Variants in ATXN10 observed in about 807,000 individuals in gnomAD.
ATXN10 encodes ataxin 10.
In ATXN10, 28 loss-of-function variants were observed where a neutral mutation model predicts 52.9. That is an observed-to-expected ratio of 0.53 (90% CI 0.39 to 0.73). The LOEUF (loss-of-function observed/expected upper bound fraction) is 0.73. ATXN10 is among the 30% of genes least tolerant of loss of function. ATXN10 has a pLI of 0.00. For synonymous variants in ATXN10, 226 were observed against 221.5 expected, an observed-to-expected ratio of 1.02 and a Z score of -0.18; for missense variants, 565 against 577.0, an observed-to-expected ratio of 0.98 and a Z score of 0.21.
At chr22:45,697,142 T>A (rs79911297) in intron 3 of ATXN10, among the ~76,000 whole-genome samples, 23 of 148,326 alleles carry the variant, frequency 1.6e-4, no homozygotes, top group South Asian at 1.5e-3. Context: ...AAAAAAAAAA[T>A]TTTTTTTTTT....
rs1347993031 is a variant in ATXN10, at chr22:45,805,418, ATCATGATAACCTAGAGGTGGAAAT to A, written c.1174-1540_1174-1517del. 1.3e-5 allele frequency among the ~76,000 whole-genome samples: 2 copies of A among 152,218 alleles called. No individual in the cohort carries two copies. The highest frequency in any genetic ancestry group is 2.4e-5 in the African/African-American group (1 of 41,464). ...GTACATGCACATTCAGAGCAGCATT[ATCATGATAACCTAGAGGTGGAAAT>A]AACACAAATGTCCATTAGTGGGTGA... On this transcript the variant is annotated intron_variant, in intron 9 of 11. Transcript: ENST00000252934. The surrounding 1 kb of genome is among the most constrained non-coding windows in gnomAD (Gnocchi z 4.4).
At position 45,826,897 on chromosome 22, in the gene ATXN10, T is replaced by A. The variant is rs1245369063; in HGVS notation, c.1238-16094T>A. ...CATGAGCAATATACAAGCTAGTTTA[T>A]AACTTCACATTTTGTTTTCTACATA... On this transcript the variant is annotated intron_variant, in intron 10 of 11. Coordinates refer to ENST00000252934, the MANE Select transcript of ATXN10 (RefSeq NM_013236.4). This position sits in a 1 kb window ranked among gnomAD's most constrained non-coding sequence, Gnocchi z 5.0. Among the ~76,000 whole-genome samples the A allele has an allele frequency of 2.6e-5, 4 of 152,242 alleles. No individual in the cohort carries two copies. The highest frequency in any genetic ancestry group is 2.0e-4 in the Admixed American group (3 of 15,284).
chr22:45,743,362 G>C (rs555472250), intron 9 of ATXN10, among the ~76,000 whole-genome samples: 2 of 152,332 alleles, frequency 1.3e-5, no homozygotes, highest in South Asian at 4.1e-4. Flanking sequence ...GGATGTGCTA[G>C]AGTGTTCTTT....
intron 6 of ATXN10, among the ~76,000 whole-genome samples, chr22:45,722,945 T>C (rs1052643084): frequency 6.6e-6 from 1 of 152,142 alleles, no homozygotes; most frequent in Non-Finnish European, 1.5e-5. Context: ...TATTTTCTTC[T>C]ATTTCATTAC....
At chr22:45,702,975 A>G (rs1461017337) in intron 5 of ATXN10, 128 bp downstream of exon 5, 4 of 1,164,810 alleles carry the variant, frequency 3.4e-6, no homozygotes, top group Admixed American at 3.7e-5. Flanking sequence ...ACATGTGTTG[A>G]CAGAATTAGA....
chr22:45,719,078 TG>T (rs1924554252), intron 6 of ATXN10, among the ~76,000 whole-genome samples: 2 of 151,706 alleles, frequency 1.3e-5, no homozygotes, highest in African/African-American at 4.8e-5. Flanking sequence ...TAAACCTCTA[TG>T]GTAAGGTACA....
At position 45,683,829 on chromosome 22, in the gene ATXN10, A is replaced by G. The variant is rs774200062; in HGVS notation, c.117-5883A>G. 6.6e-6 allele frequency among the ~76,000 whole-genome samples: 1 copy of G among 152,154 alleles called. No homozygotes were observed. Among genetic ancestry groups the G allele is most frequent in the Non-Finnish European group, 1.5e-5 (1 of 68,028 alleles). On this transcript the variant is annotated intron_variant, in intron 1 of 11. Transcript: ENST00000252934. The surrounding 1 kb of genome is among the most constrained non-coding windows in gnomAD (Gnocchi z 4.8). ...CTTCCCCAGGTCTTTAATGCTATTG[A>G]TAGATGCCATTTACCAAGTTACCAT...
intron 9 of ATXN10, among the ~76,000 whole-genome samples, chr22:45,758,217 G>GC (rs1926246480): frequency 6.6e-6 from 1 of 152,194 alleles, no homozygotes; most frequent in African/African-American, 2.4e-5. Context: ...GTGGAGCAGG[G>GC]CCACAGTCTC....
intron 7 of ATXN10, among the ~76,000 whole-genome samples, chr22:45,736,319 C>T (rs1490935804): frequency 6.6e-6 from 1 of 152,144 alleles, no homozygotes; most frequent in East Asian, 1.9e-4. Flanking sequence ...TCATCAGTTA[C>T]TCTAAAAGAT....
At chr22:45,689,102 T>C (rs1461506241) in intron 1 of ATXN10, among the ~76,000 whole-genome samples, 2 of 152,198 alleles carry the variant, frequency 1.3e-5, no homozygotes, top group African/African-American at 4.8e-5. Flanking sequence ...CTCCCATCTA[T>C]GTAGTTGACT....
rs750886161 is a variant in ATXN10 at position 45,824,823 on chromosome 22, A to C, written c.1237+17801A>C. Reference sequence around the variant, plus strand: ...ACCTCAAGATAAAGACCTTGTAACAACAACAGTAATAACAGATTTGTGTGG... The same window carrying C: ...ACCTCAAGATAAAGACCTTGTAACACCAACAGTAATAACAGATTTGTGTGG... On this transcript the variant is annotated intron_variant, in intron 10 of 11. Transcript: ENST00000252934. The surrounding 1 kb of genome is among the most constrained non-coding windows in gnomAD (Gnocchi z 5.2). Among the ~76,000 whole-genome samples the C allele has an allele frequency of 6.6e-6, 1 of 152,232 alleles. No homozygotes were observed. The highest frequency in any genetic ancestry group is 1.5e-5 in the Non-Finnish European group (1 of 68,032).
At chr22:45,730,938 A>G (rs1055255260) in intron 7 of ATXN10, among the ~76,000 whole-genome samples, 1 of 152,196 alleles carries the variant, frequency 6.6e-6, no homozygotes, top group Admixed American at 6.5e-5. Context: ...TCTCTTCTTT[A>G]TAGGAGATTC....
At chr22:45,791,449 C>T (rs1927506747) in intron 9 of ATXN10, among the ~76,000 whole-genome samples, 1 of 151,846 alleles carries the variant, frequency 6.6e-6, no homozygotes, top group Non-Finnish European at 1.5e-5. Flanking sequence ...TGACACATAG[C>T]CTTTTTGAAG....
chr22:45,727,088 G>A lies in ATXN10; in HGVS notation c.729-2337G>A, dbSNP rs1569038569. On this transcript the variant is annotated intron_variant, in intron 6 of 11. Coordinates refer to ENST00000252934, the MANE Select transcript of ATXN10 (RefSeq NM_013236.4). The surrounding 1 kb of genome is among the most constrained non-coding windows in gnomAD (Gnocchi z 4.6). ...TTTAGCACTGTAAACTTTCCTTTTA[G>A]CACTGCTTTTGCTGTATCCCAGAAG... Among the ~76,000 whole-genome samples the A allele has an allele frequency of 6.6e-6, 1 of 152,066 alleles. No homozygotes were observed. The highest frequency in any genetic ancestry group is 1.5e-5 in the Non-Finnish European group (1 of 68,014).
At chr22:45,735,812 CTTTTTTT>C (rs746222703) in intron 7 of ATXN10, among the ~76,000 whole-genome samples, 2 of 65,824 alleles carry the variant, frequency 3.0e-5, no homozygotes, top group African/African-American at 1.0e-4. Context: ...ATTTGCTTGT[CTTTTTTT>C]TTTTTTTTTT....
In ATXN10 at chr22:45,805,560, G is replaced by A. The variant is rs140617189; in HGVS notation, c.1174-1399G>A. Among the ~76,000 whole-genome samples, 233 of 152,326 alleles carry A rather than the reference G, an allele frequency of 1.5e-3. No homozygotes were observed. The highest frequency in any genetic ancestry group is 5.2e-3 in the African/African-American group (215 of 41,578). ...GAAGCGCTGACATGCCACAACATGG[G>A]TGAACCTTGAGTGAAAGAAGCCAGG... is the stretch of plus-strand genomic sequence containing the variant. On this transcript the variant is annotated intron_variant, in intron 9 of 11. Coordinates refer to ENST00000252934, the MANE Select transcript of ATXN10 (RefSeq NM_013236.4). This position sits in a 1 kb window ranked among gnomAD's most constrained non-coding sequence, Gnocchi z 4.4.
intron 10 of ATXN10, among the ~76,000 whole-genome samples, chr22:45,809,686 A>G (rs1473179893): frequency 1.3e-5 from 2 of 151,964 alleles, no homozygotes; most frequent in African/African-American, 2.4e-5. Flanking sequence ...AGTGTTTGCT[A>G]TTTGAGGTGT....
Position 45,762,584 on chromosome 22 carries a change from A to G in ATXN10, c.1173+22046A>G, listed in dbSNP as rs1382117182. Among the ~76,000 whole-genome samples the G allele has an allele frequency of 1.3e-5, 2 of 152,150 alleles. No individual in the cohort carries two copies. On this transcript the variant is annotated intron_variant, in intron 9 of 11. Coordinates refer to ENST00000252934, the MANE Select transcript of ATXN10 (RefSeq NM_013236.4). This position sits in a 1 kb window ranked among gnomAD's most constrained non-coding sequence, Gnocchi z 4.3. ...TCCTCCTCGCTCTCCAGCTGGCTGA[A>G]GGGAAGCTGGGCAAGAGTGTATGTG...
intron 10 of ATXN10, among the ~76,000 whole-genome samples, chr22:45,812,814 C>T (rs1383991938): frequency 6.6e-6 from 1 of 152,190 alleles, no homozygotes; most frequent in Non-Finnish European, 1.5e-5. Context: ...ACCCGTGCCC[C>T]ATGGGACATC....
Sources: allele counts gnomAD v4.1 joint callset (sites outside exome capture counted in the v4.1 genomes callset), GRCh38; gene constraint gnomAD v4.1.1; non-coding constraint Gnocchi (gnomAD v3.1); transcripts MANE v1.5; gene names NCBI Gene and HGNC (gene_info 2026-07-23, HGNC 2026-07-21).